The following MACROD2 variants were observed in gnomAD, a reference collection of about 807,000 sequenced individuals.
MACROD2 encodes ADP-ribose glycohydrolase MACROD2.
MACROD2 carries 36 observed loss-of-function variants against 70.4 expected under a neutral mutation model. That is an observed-to-expected ratio of 0.51 (90% CI 0.39 to 0.68). MACROD2 has a LOEUF of 0.68. Among genes scored for constraint, MACROD2 ranks in the 30% least tolerant of loss-of-function variants. The probability of loss-of-function intolerance (pLI) is 0.00; values close to 1 mark genes in which losing one functional copy is unlikely to be tolerated. For synonymous variants in MACROD2, 172 were observed against 178.8 expected, an observed-to-expected ratio of 0.96 and a Z score of 0.30; for missense variants, 496 against 538.4, an observed-to-expected ratio of 0.92 and a Z score of 0.78.
intron 5 of MACROD2, among the ~76,000 whole-genome samples, chr20:14,973,995 T>C (rs2074715458): frequency 6.6e-6 from 1 of 152,178 alleles, no homozygotes; most frequent in South Asian, 2.1e-4. Flanking sequence ...GATGAAAGTA[T>C]TGGTGTTGGA....
At chr20:14,210,365 G>T (rs777037811) in intron 3 of MACROD2, among the ~76,000 whole-genome samples, 1 of 152,118 alleles carries the variant, frequency 6.6e-6, no homozygotes. Flanking sequence ...AACCTATGTC[G>T]GCACCCAAGG....
intron 5 of MACROD2, among the ~76,000 whole-genome samples, chr20:14,766,208 A>G (rs909951112): frequency 1.3e-5 from 2 of 152,072 alleles, no homozygotes; most frequent in Non-Finnish European, 2.9e-5. Context: ...AATTCTGGAC[A>G]GGGAGTGCTG....
intron 9 of MACROD2, among the ~76,000 whole-genome samples, chr20:15,874,827 A>G (rs1170579668): frequency 6.6e-6 from 1 of 152,176 alleles, no homozygotes; most frequent in Non-Finnish European, 1.5e-5. Flanking sequence ...CAAAGGGGGA[A>G]ATAAGATTGG....
intron 6 of MACROD2, among the ~76,000 whole-genome samples, chr20:15,387,738 ATTTT>A (rs11304564): frequency 0.18 from 23,471 of 130,476 alleles, 2,208 homozygotes; most frequent in African/African-American, 0.28. Flanking sequence ...AAACTCAGGG[ATTTT>A]TTTTTTTTTT....
intron 5 of MACROD2, among the ~76,000 whole-genome samples, chr20:14,985,921 G>C (rs1318275110): frequency 3.3e-5 from 5 of 152,048 alleles, no homozygotes; most frequent in Non-Finnish European, 7.4e-5. Flanking sequence ...TTACAGGTGT[G>C]AGCCACCTTG....
intron 6 of MACROD2, among the ~76,000 whole-genome samples, chr20:15,364,643 G>C (rs1277540917): frequency 6.6e-6 from 1 of 152,138 alleles, no homozygotes; most frequent in Admixed American, 6.6e-5. Context: ...AATGTGAATG[G>C]TCTCTCAAAT....
chr20:15,355,670 C>A (rs916010065), intron 6 of MACROD2, among the ~76,000 whole-genome samples: 3 of 152,136 alleles, frequency 2.0e-5, no homozygotes, highest in African/African-American at 7.2e-5. Flanking sequence ...TCCTGGTGAC[C>A]AGTCCCCTGA....
At chr20:15,909,514 A>ATT (rs10617621) in intron 10 of MACROD2, among the ~76,000 whole-genome samples, 4 of 70,804 alleles carry the variant, frequency 5.6e-5, no homozygotes, top group Admixed American at 2.2e-4. Context: ...ACATAATACA[A>ATT]TTTTTTTTTT....
chr20:16,038,100 T>C (rs981507833), intron 15 of MACROD2, among the ~76,000 whole-genome samples: 2 of 151,912 alleles, frequency 1.3e-5, no homozygotes, highest in Non-Finnish European at 2.9e-5. Context: ...CTTCCATTAT[T>C]TTTGTTATGA....
At chr20:15,433,485 A>G (rs984878027) in intron 7 of MACROD2, among the ~76,000 whole-genome samples, 1 of 149,328 alleles carries the variant, frequency 6.7e-6, no homozygotes, top group African/African-American at 2.5e-5. Flanking sequence ...AAAAAGATAA[A>G]ATATTTAGGA....
intron 5 of MACROD2, among the ~76,000 whole-genome samples, chr20:14,977,500 C>CACACAA (rs895079209): frequency 6.8e-6 from 1 of 147,754 alleles, no homozygotes; most frequent in African/African-American, 2.6e-5. Flanking sequence ...CACACACACA[C>CACACAA]AATTAGGGTT....
Position 15,986,787 on chromosome 20 carries a change from A to G in MACROD2, c.1046A>G (p.Tyr349Cys). ...IKIETESQSS[Y>C]METEELSSNQ... ...ATTGAAACAGAATCGCAGAGCTCAT[A>G]TATGGAAACAGAAGGTACTGAAACC... The change falls in exon 14 of 18, where the codon TAT becomes TGT. Residue 349 changes from tyrosine to cysteine, a missense_variant. Transcript: ENST00000684519. 1 of 1,612,898 alleles carries G rather than the reference A, an allele frequency of 6.2e-7. No homozygotes were observed. The highest frequency in any genetic ancestry group is 8.5e-7 in the Non-Finnish European group (1 of 1,179,108).
intron 5 of MACROD2, among the ~76,000 whole-genome samples, chr20:15,100,405 G>C (rs2075863409): frequency 6.6e-6 from 1 of 152,180 alleles, no homozygotes; most frequent in African/African-American, 2.4e-5. Context: ...TGTCCCAAGA[G>C]TTTGAAGGAT....
At chr20:14,226,283 G>A (rs1406363603) in intron 3 of MACROD2, among the ~76,000 whole-genome samples, 2 of 152,182 alleles carry the variant, frequency 1.3e-5, no homozygotes, top group East Asian at 3.9e-4. Context: ...GTAGCTGTTT[G>A]TATACATAGG....
At chr20:16,014,145 C>G (rs1429930137) in intron 15 of MACROD2, among the ~76,000 whole-genome samples, 2 of 152,206 alleles carry the variant, frequency 1.3e-5, no homozygotes. Context: ...TTCCTATCAC[C>G]TCTATTCAGC....
Position 15,381,621 on chromosome 20 carries a change from G to A in MACROD2, c.541-49784G>A, listed in dbSNP as rs182371896. ...GTTGAGGCTGCAGTGAGCCATGATTGCGCCACTGAACTCCAGCCTGGGTGA... is the reference window on the plus strand; with the variant it reads ...GTTGAGGCTGCAGTGAGCCATGATTACGCCACTGAACTCCAGCCTGGGTGA... On this transcript the variant is annotated intron_variant, in intron 6 of 17. Transcript: ENST00000684519. Among the ~76,000 whole-genome samples, 23 of 152,238 alleles carry A rather than the reference G, an allele frequency of 1.5e-4. No individual in the cohort carries two copies. The South Asian group carries it at 4.8e-3, about 32-fold the overall frequency.
At chr20:15,973,054 C>A (rs1253991805) in intron 13 of MACROD2, among the ~76,000 whole-genome samples, 1 of 151,984 alleles carries the variant, frequency 6.6e-6, no homozygotes, top group African/African-American at 2.4e-5. Context: ...CTGTGACAGT[C>A]AGGGTTTTGA....
intron 4 of MACROD2, among the ~76,000 whole-genome samples, chr20:14,524,794 A>T (rs532047329): frequency 6.6e-5 from 10 of 152,278 alleles, no homozygotes; most frequent in African/African-American, 2.4e-4. Flanking sequence ...TAGCTTCCCC[A>T]GCCTCCTTCC....
intron 8 of MACROD2, among the ~76,000 whole-genome samples, chr20:15,770,089 C>T (rs79059655): frequency 0.15 from 6,488 of 44,032 alleles, 617 homozygotes; most frequent in African/African-American, 0.34. Flanking sequence ...TTTTAATTTT[C>T]TTTTTTTTTT....
Sources: gnomAD v4.1 joint callset for allele counts (sites outside exome capture counted in the v4.1 genomes callset) on GRCh38, gnomAD v4.1.1 for gene constraint, MANE v1.5 for transcripts, NCBI Gene and HGNC (gene_info 2026-07-23, HGNC 2026-07-21) for gene names.